SEC14L5: variants seen among roughly 807,000 people sequenced by gnomAD.
The protein encoded by SEC14L5 is SEC14-like protein 5.
A neutral mutation model predicts 84.6 loss-of-function variants in SEC14L5; 96 were observed. That is an observed-to-expected ratio of 1.13 (90% CI 0.96 to 1.34). The LOEUF is 1.34. Among genes scored for constraint, SEC14L5 ranks in the 40% most tolerant of loss-of-function variants. The pLI, the probability that SEC14L5 is intolerant of heterozygous loss-of-function variation, is 0.00. For missense variants in SEC14L5, 1,224 were observed against 942.5 expected (o/e 1.30, Z -3.91); for synonymous variants, 546 against 383.4 (o/e 1.42, Z -4.95).
chr16:5,013,154 C>T (rs1450236663), intron 15 of SEC14L5, among the ~76,000 whole-genome samples: 1 of 152,088 alleles, frequency 6.6e-6, no homozygotes. Context: ...CCACCAGATC[C>T]CTCCCTCAAC....
At chr16:4,961,017 A>C (rs1012659206) in intron 2 of SEC14L5, among the ~76,000 whole-genome samples, 7 of 152,120 alleles carry the variant, frequency 4.6e-5, no homozygotes, top group Non-Finnish European at 1.0e-4. Context: ...CACACCTGTA[A>C]TCCCAGCGCT....
intron 2 of SEC14L5, among the ~76,000 whole-genome samples, chr16:4,977,877 T>A (rs1955366349): frequency 6.6e-6 from 1 of 151,550 alleles, no homozygotes; most frequent in South Asian, 2.1e-4. Context: ...CTCGGCTCAC[T>A]GCCACCTCCT....
chr16:4,977,718 G>T (rs900621152), intron 2 of SEC14L5, among the ~76,000 whole-genome samples: 2 of 151,984 alleles, frequency 1.3e-5, no homozygotes, highest in South Asian at 2.1e-4. Context: ...ACCTTCCGGG[G>T]CTCCCTGGTC....
intron 14 of SEC14L5, among the ~76,000 whole-genome samples, chr16:5,009,365 G>A (rs529640527): frequency 8.5e-5 from 13 of 152,086 alleles, no homozygotes; most frequent in African/African-American, 2.2e-4. Flanking sequence ...AAACTTTTGC[G>A]GGACTGGGAA....
At chr16:5,011,347 C>T in intron 15 of SEC14L5, 74 bp downstream of exon 15, 1 of 1,469,084 alleles carries the variant, frequency 6.8e-7, no homozygotes, top group Non-Finnish European at 9.3e-7. Context: ...TGCCTGGCCT[C>T]CTGTCTCCCA....
intron 2 of SEC14L5, among the ~76,000 whole-genome samples, chr16:4,965,969 G>A (rs541729932): frequency 6.6e-6 from 1 of 152,222 alleles, no homozygotes; most frequent in African/African-American, 2.4e-5. Context: ...TTGAGCCCAG[G>A]AGATTGAGGC....
chr16:4,959,528 T>G (rs1955093253), intron 2 of SEC14L5, 142 bp downstream of exon 2: 7 of 718,410 alleles, frequency 9.7e-6, no homozygotes, highest in Non-Finnish European at 1.7e-5. Context: ...TGGGTTTAAC[T>G]TCTATCCAGT....
At position 5,016,842 on chromosome 16, in the gene SEC14L5, C is replaced by T. The variant is rs531997743; in HGVS notation, c.*1872C>T. ...AGCCTTGCCCACCTTCCTGTTGGCT[C>T]TCTGTCCGCTTCTCAGGTATCTGAA... On this transcript the variant is annotated 3_prime_UTR_variant, in exon 16 of 16. Coordinates refer to ENST00000251170, the MANE Select transcript of SEC14L5 (RefSeq NM_014692.2). 4 of 152,354 alleles carry T rather than the reference C, an allele frequency of 2.6e-5. No individual in the cohort carries two copies. The South Asian group carries it at 8.3e-4, about 32-fold the overall frequency. 9.4% of individuals were successfully genotyped at this position (152,354 alleles called of 1,614,324 possible).
intron 2 of SEC14L5, 70 bp downstream of exon 2, chr16:4,959,456 G>A: frequency 7.6e-7 from 1 of 1,324,310 alleles, no homozygotes; most frequent in South Asian, 1.2e-5. Flanking sequence ...ATGGCGGTAG[G>A]AAGACGGAGC....
chr16:4,958,944 C>T (rs151122051), intron 1 of SEC14L5, among the ~76,000 whole-genome samples: 3 of 150,288 alleles, frequency 2.0e-5, no homozygotes, highest in African/African-American at 4.9e-5. Context: ...TGAATAGAAC[C>T]GTGGGAGTGT....
At chr16:4,974,934 T>C (rs1004777703) in intron 2 of SEC14L5, among the ~76,000 whole-genome samples, 21 of 152,030 alleles carry the variant, frequency 1.4e-4, no homozygotes, top group African/African-American at 4.6e-4. Flanking sequence ...TGTGCCACCA[T>C]GCCTGGCTAA....
chr16:4,985,267 C>A (rs1465025549), intron 2 of SEC14L5, among the ~76,000 whole-genome samples: 3 of 152,068 alleles, frequency 2.0e-5, no homozygotes, highest in South Asian at 4.2e-4. Context: ...CTCTTGTCGC[C>A]CAGGCTGGAG....
chr16:4,967,667 G>GA, intron 2 of SEC14L5, among the ~76,000 whole-genome samples: 1 of 145,204 alleles, frequency 6.9e-6, no homozygotes, highest in African/African-American at 2.6e-5. Context: ...CCACCTCCCA[G>GA]GGTCAAGCGA....
At chr16:4,979,710 A>C (rs1482203761) in intron 2 of SEC14L5, among the ~76,000 whole-genome samples, 3 of 98,770 alleles carry the variant, frequency 3.0e-5, no homozygotes, top group African/African-American at 1.1e-4. Context: ...TTGCGCTGGG[A>C]GGAGCTGCTT....
chr16:5,012,267 C>A (rs912051076), intron 15 of SEC14L5, among the ~76,000 whole-genome samples: 5 of 152,148 alleles, frequency 3.3e-5, no homozygotes, highest in Admixed American at 6.5e-5. Flanking sequence ...GGAATAGACA[C>A]AGGCATTGGA....
At position 5,009,920 on chromosome 16, in the gene SEC14L5, C is replaced by T. The variant is rs546680093; in HGVS notation, c.1801-1175C>T. Among the ~76,000 whole-genome samples, 17 of 152,020 alleles carry T rather than the reference C, an allele frequency of 1.1e-4. 1 individual carries two copies. In the East Asian group the frequency reaches 2.9e-3, roughly 26 times the overall value. ...AAGCCGCAGGGAGAAGGCAGGTGGA[C>T]ACGAGGGTAGCTTGAGTGCTGGGGA... is the stretch of plus-strand genomic sequence containing the variant. On this transcript the variant is annotated intron_variant, in intron 14 of 15. Coordinates refer to ENST00000251170, the MANE Select transcript of SEC14L5 (RefSeq NM_014692.2).
chr16:4,981,907 G>A (rs549411004), intron 2 of SEC14L5, among the ~76,000 whole-genome samples: 90 of 152,264 alleles, frequency 5.9e-4, no homozygotes, highest in Non-Finnish European at 1.0e-3. Flanking sequence ...TCTGTCCTCC[G>A]TGGGGAGATG....
chr16:5,013,877 G>A (rs1474973488), intron 15 of SEC14L5, among the ~76,000 whole-genome samples: 4 of 152,170 alleles, frequency 2.6e-5, no homozygotes, highest in South Asian at 2.1e-4. Context: ...ATTTTTTGTA[G>A]AGATGGGGTC....
intron 10 of SEC14L5, among the ~76,000 whole-genome samples, chr16:5,001,775 CT>C (rs907310362): frequency 1.0e-4 from 15 of 149,312 alleles, no homozygotes; most frequent in Middle Eastern, 3.5e-3. Flanking sequence ...TGTAAAGTGG[CT>C]TTTTTTTTTC....
Sources: gnomAD v4.1 joint callset for allele counts (sites outside exome capture counted in the v4.1 genomes callset) on GRCh38, gnomAD v4.1.1 for gene constraint, MANE v1.5 for transcripts, NCBI Gene and HGNC (gene_info 2026-07-23, HGNC 2026-07-21) for gene names.